NLGN2: variants seen among roughly 807,000 people sequenced by gnomAD.
NLGN2 encodes the protein neuroligin 2.
A neutral mutation model predicts 48.6 loss-of-function variants in NLGN2; 11 were observed. That is an observed-to-expected ratio of 0.23 (90% CI 0.14 to 0.37). The LOEUF is 0.37. NLGN2 is among the 10% of genes least tolerant of loss of function. The pLI, the probability that NLGN2 is intolerant of heterozygous loss-of-function variation, is 1.00. For missense variants in NLGN2, 801 were observed against 1,225.2 expected (o/e 0.65, Z 5.17); for synonymous variants, 548 against 550.0 (o/e 1.00, Z 0.05).
upstream of NLGN2, among the ~76,000 whole-genome samples, chr17:7,406,380 G>A (rs962422922): frequency 1.3e-5 from 2 of 151,960 alleles, no homozygotes; most frequent in African/African-American, 2.4e-5. Context: ...TGTGGGGAGG[G>A]GGAGGGGGCA....
upstream of NLGN2, chr17:7,405,185 T>A (rs1485719046): frequency 6.6e-6 from 1 of 151,436 alleles, no homozygotes; most frequent in African/African-American, 2.4e-5. This position sits in a 1 kb window ranked among gnomAD's most constrained non-coding sequence, Gnocchi z 6.8. Context: ...GCACCGCGGA[T>A]CCTGCGCTCC....
chr17:7,416,654 A>G (rs1907113089), intron 6 of NLGN2, among the ~76,000 whole-genome samples: 1 of 150,604 alleles, frequency 6.6e-6, no homozygotes, highest in South Asian at 2.1e-4. Flanking sequence ...CTCCCTGGCT[A>G]TCTCTGTGTG....
intron 1 of NLGN2, among the ~76,000 whole-genome samples, chr17:7,409,791 C>A (rs1906801490): frequency 1.3e-5 from 2 of 152,140 alleles, no homozygotes; most frequent in Admixed American, 6.5e-5. Flanking sequence ...ACAATTAAAT[C>A]ATCACCCAAC....
At chr17:7,409,018 A>G (rs1326367373) in intron 1 of NLGN2, among the ~76,000 whole-genome samples, 1 of 152,148 alleles carries the variant, frequency 6.6e-6, no homozygotes, top group Non-Finnish European at 1.5e-5. Context: ...ACAGTCTGCC[A>G]GCTAATCTCA....
At position 7,413,796 on chromosome 17, in the gene NLGN2, C is replaced by G. The variant is rs961469382; in HGVS notation, c.509-548C>G. On this transcript the variant is annotated intron_variant, in intron 2 of 6. Transcript: ENST00000302926. The surrounding 1 kb of genome is among the most constrained non-coding windows in gnomAD (Gnocchi z 4.9). ...GAGGTGACCTAGAAAGGAATTAGGG[C>G]GGGGAGGAGACCAAGCCCCAGGGAC... Among the ~76,000 whole-genome samples the G allele has an allele frequency of 6.6e-6, 1 of 151,970 alleles. No individual in the cohort carries two copies. The highest frequency in any genetic ancestry group is 1.5e-5 in the Non-Finnish European group (1 of 67,950).
At position 7,417,472 on chromosome 17, in the gene NLGN2, C is replaced by T. The variant is rs1907161568; in HGVS notation, c.2181C>T (p.Pro727=). ...GSGSGVPGGG[P]LLPAAGRELP... Reference sequence around the variant, plus strand: ...GCTCTGGCGTGCCTGGTGGGGGCCCCCTGCTCCCCGCCGCGGGCCGTGAGC... The same window carrying T: ...GCTCTGGCGTGCCTGGTGGGGGCCCTCTGCTCCCCGCCGCGGGCCGTGAGC... Residue 727 remains proline (P), a synonymous_variant, in exon 7 of 7, where the codon CCC becomes CCT. Transcript: ENST00000302926. 6.5e-7 allele frequency: 1 copy of T among 1,540,572 alleles called. No homozygotes were observed. Among genetic ancestry groups the T allele is most frequent in the Non-Finnish European group, 8.7e-7 (1 of 1,147,528 alleles).
chr17:7,416,000 C>T lies in NLGN2; in HGVS notation c.1527C>T (p.Gly509=), dbSNP rs771994643. ...AHGDELPYVF[G]VPMVGATDLF... ...GGGATGAACTGCCCTATGTCTTTGG[C>T]GTGCCCATGGTGGGTGCCACCGACC... Residue 509 remains glycine (G), a synonymous_variant, in exon 6 of 7, where the codon GGC becomes GGT. Coordinates refer to ENST00000302926, the MANE Select transcript of NLGN2 (RefSeq NM_020795.4). 1.7e-5 allele frequency: 27 copies of T among 1,614,126 alleles called. No individual in the cohort carries two copies. The highest frequency in any genetic ancestry group is 1.6e-4 in the Middle Eastern group (1 of 6,062).
intron 3 of NLGN2, 74 bp downstream of exon 3, chr17:7,414,567 T>A: frequency 6.2e-7 from 1 of 1,611,452 alleles, no homozygotes; most frequent in Admixed American, 1.7e-5. Context: ...TTCCTCCACA[T>A]CCAGCAGAAT....
Position 7,407,856 on chromosome 17 carries a change from T to C in NLGN2, c.-400T>C, listed in dbSNP as rs1017231928. ...GGTGGGAGAAGGGGGCAACTTGGTC[T>C]GAATTCCAGGTCACTAACCACTTGT... is the stretch of plus-strand genomic sequence containing the variant. On this transcript the variant is annotated 5_prime_UTR_variant, in exon 1 of 7. Coordinates refer to ENST00000302926, the MANE Select transcript of NLGN2 (RefSeq NM_020795.4). Among the ~76,000 whole-genome samples the C allele has an allele frequency of 2.6e-5, 4 of 152,086 alleles. No homozygotes were observed. The highest frequency in any genetic ancestry group is 5.9e-5 in the Non-Finnish European group (4 of 67,996).
intron 6 of NLGN2, 134 bp downstream of exon 6, chr17:7,416,241 GGCACGGAGTTGA>G: frequency 1.4e-6 from 1 of 722,962 alleles, no homozygotes; most frequent in Non-Finnish European, 2.4e-6. Context: ...CTCTGTGCCA[GGCACGGAGTTGA>G]GCGTTGGAGA....
chr17:7,408,468 C>T lies in NLGN2; in HGVS notation c.213C>T (p.Gly71=). ...EILGPVVQFL[G]VPYATPPLGA... is the part of the protein sequence containing the mutation. Reference sequence around the variant, plus strand: ...TGGGCCCCGTCGTGCAGTTCTTGGGCGTGCCCTACGCCACGCCGCCCCTGG... The same window carrying T: ...TGGGCCCCGTCGTGCAGTTCTTGGGTGTGCCCTACGCCACGCCGCCCCTGG... Residue 71 remains glycine (G), a synonymous_variant, in exon 1 of 7, where the codon GGC becomes GGT. Coordinates refer to ENST00000302926, the MANE Select transcript of NLGN2 (RefSeq NM_020795.4). The surrounding 1 kb of genome is among the most constrained non-coding windows in gnomAD (Gnocchi z 7.5). 6.5e-7 allele frequency: 1 copy of T among 1,549,116 alleles called. No homozygotes were observed. Among genetic ancestry groups the T allele is most frequent in the Non-Finnish European group, 8.7e-7 (1 of 1,153,416 alleles).
chr17:7,412,261 G>A, intron 2 of NLGN2, 54 bp downstream of exon 2: 1 of 1,381,974 alleles, frequency 7.2e-7, no homozygotes, highest in Non-Finnish European at 1.0e-6. Context: ...GGACATTCAT[G>A]GCCCTGCCCC....
rs1268279421 is a variant in NLGN2, at chr17:7,414,752, G to A, written c.748G>A (p.Ala250Thr). 1 of 1,614,010 alleles carries A rather than the reference G, an allele frequency of 6.2e-7. No individual in the cohort carries two copies. Among genetic ancestry groups the A allele is most frequent in the Middle Eastern group, 1.7e-4 (1 of 6,060 alleles). The change falls in exon 4 of 7, where the codon GCC becomes ACC. Residue 250 changes from alanine to threonine, a missense_variant. Physicochemically the swap from Ala to Thr is moderately conservative, Grantham distance 58 (BLOSUM62 0). This residue lies in a region of NLGN2 where 303 missense variants were observed against 600.1 expected (regional missense o/e 0.50). Coordinates refer to ENST00000302926, the MANE Select transcript of NLGN2 (RefSeq NM_020795.4). ...CCTGCGCTGGCTCAGTGAAAACATC[G>A]CCCACTTTGGGGGCGACCCCGAGCG... Reference protein sequence around the residue: ...QALRWLSENIAHFGGDPERIT... With the variant: ...QALRWLSENITHFGGDPERIT...
In NLGN2 at chr17:7,408,499, C is replaced by G; in HGVS notation, c.244C>G (p.Arg82Gly). 6.6e-7 allele frequency: 1 copy of G among 1,518,738 alleles called. No homozygotes were observed. The highest frequency in any genetic ancestry group is 2.7e-5 in the East Asian group (1 of 36,822). The allele number at this position is 1,518,738 out of a possible 1,614,324, so 94.1% of individuals were successfully genotyped here. ...CTACGCCACGCCGCCCCTGGGCGCC[C>G]GCCGCTTCCAGCCGCCTGAGGCGCC... ...VPYATPPLGA[R>G]RFQPPEAPAS... Residue 82 changes from arginine to glycine, a missense_variant, in exon 1 of 7, where the codon CGC becomes GGC. Arg to Gly is a moderately radical substitution (Grantham distance 125). Transcript: ENST00000302926. This position sits in a 1 kb window ranked among gnomAD's most constrained non-coding sequence, Gnocchi z 7.5.
At chr17:7,407,535 T>C (rs1005902981), upstream of NLGN2, among the ~76,000 whole-genome samples, 1 of 152,182 alleles carries the variant, frequency 6.6e-6, no homozygotes, top group Admixed American at 6.5e-5. Flanking sequence ...TTAACACATA[T>C]AAACAAACCT....
intron 1 of NLGN2, among the ~76,000 whole-genome samples, chr17:7,409,996 C>T (rs770780971): frequency 2.0e-5 from 3 of 152,064 alleles, no homozygotes; most frequent in South Asian, 4.1e-4. Context: ...GCGCCTGGGC[C>T]GTGTGCTCAG....
chr17:7,412,130 T>C, intron 1 of NLGN2, 27 bp from the exon 2 acceptor site: 2 of 1,603,628 alleles, frequency 1.2e-6, no homozygotes, highest in Non-Finnish European at 1.7e-6. Context: ...TTGTCCTTTT[T>C]TCTCTGTTTT....
rs890264384 is a variant in NLGN2, at chr17:7,411,236, G to T, written c.458-921G>T. On this transcript the variant is annotated intron_variant, in intron 1 of 6. Coordinates refer to ENST00000302926, the MANE Select transcript of NLGN2 (RefSeq NM_020795.4). The surrounding 1 kb of genome is among the most constrained non-coding windows in gnomAD (Gnocchi z 4.5). ...CACCCGCTCGGCCGTTGGGGAAGGG[G>T]TGCTTTTTGGCAGTGGAGCAGGGGC... Among the ~76,000 whole-genome samples, 2 of 152,222 alleles carry T rather than the reference G, an allele frequency of 1.3e-5. 1 individual carries two copies. The highest frequency in any genetic ancestry group is 4.1e-4 in the South Asian group (2 of 4,832).
Position 7,414,355 on chromosome 17 carries a change from C to T in NLGN2, c.520C>T (p.Pro174Ser). 6.2e-7 allele frequency: 1 copy of T among 1,613,024 alleles called. No individual in the cohort carries two copies. Among genetic ancestry groups the T allele is most frequent in the South Asian group, 1.1e-5 (1 of 91,018 alleles). Residue 174 changes from proline (P) to serine (S), a missense_variant, in exon 3 of 7, where the codon CCT becomes TCT. Physicochemically the swap from Pro to Ser is moderately conservative, Grantham distance 74. Around this residue, in one of 5 missense-constraint regions of NLGN2, gnomAD observed 56 missense variants for 100.0 expected, o/e 0.56. Coordinates refer to ENST00000302926, the MANE Select transcript of NLGN2 (RefSeq NM_020795.4). ...LNPPDTDIRD[P>S]GKKPVMLFLH... ...CCCTCCCCACACAGATATCCGTGAC[C>T]CTGGGAAGAAGCCTGTGATGCTGTT...
Sources: gnomAD v4.1 joint callset for allele counts (sites outside exome capture counted in the v4.1 genomes callset) on GRCh38, gnomAD v4.1.1 for gene constraint, gnomAD v4.1.1 regional missense constraint, Gnocchi (gnomAD v3.1) non-coding constraint, MANE v1.5 for transcripts, NCBI Gene and HGNC (gene_info 2026-07-23, HGNC 2026-07-21) for gene names.